Variants in EDIL3 observed in about 807,000 individuals in gnomAD.
The protein encoded by EDIL3 is EGF-like repeat and discoidin I-like domain-containing protein 3.
In EDIL3, 37 loss-of-function variants were observed where a neutral mutation model predicts 67.4. That is an observed-to-expected ratio of 0.55 (90% CI 0.42 to 0.72). The LOEUF is 0.72. Ranked by LOEUF, EDIL3 falls within the 30% of genes least tolerant of loss-of-function variation. EDIL3 has a pLI of 0.00. For missense variants in EDIL3, 527 were observed against 586.3 expected, an observed-to-expected ratio of 0.90 and a Z score of 1.04; for synonymous variants, 195 against 196.3, an observed-to-expected ratio of 0.99 and a Z score of 0.05.
intron 1 of EDIL3, among the ~76,000 whole-genome samples, chr5:84,269,084 A>G (rs1580046529): frequency 6.6e-6 from 1 of 152,248 alleles, no homozygotes; most frequent in East Asian, 1.9e-4. Context: ...AGCTCATTTT[A>G]TGTATCCTTT....
At chr5:84,305,402 T>G (rs1199363457) in intron 1 of EDIL3, among the ~76,000 whole-genome samples, 1 of 152,212 alleles carries the variant, frequency 6.6e-6, no homozygotes, top group Non-Finnish European at 1.5e-5. Context: ...AGGTTTTTTG[T>G]AATCACTCCC....
intron 1 of EDIL3, among the ~76,000 whole-genome samples, chr5:84,287,094 C>A (rs1380209219): frequency 6.6e-6 from 1 of 152,124 alleles, no homozygotes; most frequent in Non-Finnish European, 1.5e-5. Context: ...ATGGGAGATG[C>A]AGAGACTCTG....
At chr5:84,347,865 T>C (rs1747266162) in intron 1 of EDIL3, among the ~76,000 whole-genome samples, 1 of 152,172 alleles carries the variant, frequency 6.6e-6, no homozygotes, top group Admixed American at 6.5e-5. Flanking sequence ...TTTGCCTGCA[T>C]CCATATTATA....
chr5:84,075,472 T>C (rs1746834696), intron 6 of EDIL3, among the ~76,000 whole-genome samples: 1 of 151,886 alleles, frequency 6.6e-6, no homozygotes, highest in African/African-American at 2.4e-5. Context: ...CTTCTTCTTC[T>C]TCTTCTTCTT....
At chr5:84,033,661 G>A (rs1192925922) in intron 9 of EDIL3, among the ~76,000 whole-genome samples, 2 of 139,552 alleles carry the variant, frequency 1.4e-5, no homozygotes, top group Non-Finnish European at 3.0e-5. Context: ...CCAAGATCCT[G>A]CCATTGTACT....
intron 4 of EDIL3, among the ~76,000 whole-genome samples, chr5:84,173,298 A>C (rs1580360374): frequency 6.6e-6 from 1 of 152,174 alleles, no homozygotes; most frequent in East Asian, 1.9e-4. Flanking sequence ...GCGGCTTCTG[A>C]CCCTGCTCCA....
chr5:84,244,701 G>C (rs1250850864), intron 2 of EDIL3, among the ~76,000 whole-genome samples: 11 of 152,108 alleles, frequency 7.2e-5, no homozygotes, highest in Non-Finnish European at 1.5e-5. Context: ...TCATTCATCC[G>C]TTAGCCCTTT....
At chr5:84,160,750 CTTT>C (rs1748590512) in intron 4 of EDIL3, among the ~76,000 whole-genome samples, 5 of 10,438 alleles carry the variant, frequency 4.8e-4, no homozygotes, top group African/African-American at 1.2e-3. Context: ...CTTTTCTTTC[CTTT>C]CCTTTCCTTT....
At chr5:84,051,514 C>T (rs1170912479) in intron 9 of EDIL3, among the ~76,000 whole-genome samples, 2 of 152,178 alleles carry the variant, frequency 1.3e-5, no homozygotes, top group East Asian at 3.8e-4. Flanking sequence ...CTTCTCCGAA[C>T]TAAAGGAGGA....
intron 1 of EDIL3, among the ~76,000 whole-genome samples, chr5:84,364,377 CAT>C (rs1407235593): frequency 6.6e-6 from 1 of 152,160 alleles, no homozygotes; most frequent in African/African-American, 2.4e-5. Flanking sequence ...TAAACGAATT[CAT>C]ATTGCTTTGG....
At chr5:84,018,916 G>T (rs967616535) in intron 9 of EDIL3, among the ~76,000 whole-genome samples, 4 of 152,152 alleles carry the variant, frequency 2.6e-5, no homozygotes, top group Admixed American at 6.5e-5. Context: ...AGAGGATGTG[G>T]AGAAATAGGA....
chr5:83,943,578 A>G lies in EDIL3; in HGVS notation c.1294-10T>C. 1 of 1,611,244 alleles carries G rather than the reference A, an allele frequency of 6.2e-7. No homozygotes were observed. The highest frequency in any genetic ancestry group is 1.1e-5 in the South Asian group (1 of 90,954). On this transcript the variant is annotated splice_polypyrimidine_tract_variant and intron_variant, in intron 10 of 10. Coordinates refer to ENST00000296591, the MANE Select transcript of EDIL3 (RefSeq NM_005711.5). ...AATTTCCCTGGAAAACCTAATAAAG[A>G]AGAGCAGAAAAATGTCAGTCACACA...
At chr5:84,051,731 A>C (rs1412285485) in intron 9 of EDIL3, among the ~76,000 whole-genome samples, 1 of 152,226 alleles carries the variant, frequency 6.6e-6, no homozygotes, top group Non-Finnish European at 1.5e-5. Flanking sequence ...CAAATGAATG[A>C]AATGAAGCGA....
At chr5:84,027,653 G>A (rs13160124) in intron 9 of EDIL3, among the ~76,000 whole-genome samples, 80 of 98,104 alleles carry the variant, frequency 8.2e-4, no homozygotes, top group Middle Eastern at 0.01. Flanking sequence ...GGGAATCTGA[G>A]CATGCTGATC....
chr5:84,041,456 A>G (rs1356216160), intron 9 of EDIL3, among the ~76,000 whole-genome samples: 1 of 151,452 alleles, frequency 6.6e-6, no homozygotes, highest in African/African-American at 2.4e-5. Context: ...GCTTTTTCCC[A>G]CTGAGATCTT....
At chr5:84,172,809 G>A (rs956734718) in intron 4 of EDIL3, among the ~76,000 whole-genome samples, 2 of 152,106 alleles carry the variant, frequency 1.3e-5, no homozygotes, top group African/African-American at 4.8e-5. Context: ...ACAATGATAA[G>A]CTAAGTAGAG....
intron 4 of EDIL3, among the ~76,000 whole-genome samples, chr5:84,147,802 G>A (rs1344083991): frequency 6.6e-6 from 1 of 150,762 alleles, no homozygotes; most frequent in Non-Finnish European, 1.5e-5. Flanking sequence ...TCAATAACAG[G>A]CACTGATACA....
rs1411513852 is a variant in EDIL3, at chr5:83,941,440, G to A, written c.*1979C>T. 2 of 151,884 alleles carry A rather than the reference G, an allele frequency of 1.3e-5. No individual in the cohort carries two copies. The highest frequency in any genetic ancestry group is 2.9e-5 in the Non-Finnish European group (2 of 67,880). 9.4% of individuals were successfully genotyped at this position (151,884 alleles called of 1,614,324 possible). A position where few individuals can be genotyped will look rare whatever the true frequency, so the allele number is the denominator to read the frequency against. ...AAAACTATATCATCATAAAGCGTAAGTAATAATCTTAAAAATACACTCTTA... is the reference window on the plus strand; with the variant it reads ...AAAACTATATCATCATAAAGCGTAAATAATAATCTTAAAAATACACTCTTA... On this transcript the variant is annotated 3_prime_UTR_variant, in exon 11 of 11. Transcript: ENST00000296591.
At position 84,234,303 on chromosome 5, in the gene EDIL3, T is replaced by A. The variant is rs1291900403; in HGVS notation, c.197-4419A>T. Among the ~76,000 whole-genome samples, 4 of 152,168 alleles carry A rather than the reference T, an allele frequency of 2.6e-5. No homozygotes were observed. The East Asian group carries it at 7.7e-4, about 29-fold the overall frequency. On this transcript the variant is annotated intron_variant, in intron 2 of 10. Coordinates refer to ENST00000296591, the MANE Select transcript of EDIL3 (RefSeq NM_005711.5). ...TTGCAGGACATTCCACCAGTGTACA[T>A]GTTCCCATGTTCCTGAAGTGTGGTG...
Sources: allele counts gnomAD v4.1 joint callset (sites outside exome capture counted in the v4.1 genomes callset), GRCh38; gene constraint gnomAD v4.1.1; transcripts MANE v1.5; gene names NCBI Gene and HGNC (gene_info 2026-07-23, HGNC 2026-07-21).